The following GRIK2 variants were observed in gnomAD, a reference collection of about 807,000 sequenced individuals.
GRIK2 encodes glutamate ionotropic receptor kainate type subunit 2.
Under a neutral mutation model 100.3 loss-of-function variants are expected in GRIK2, and 32 were observed. The ratio of observed to expected loss-of-function variants is 0.32; its 90% CI spans 0.24 to 0.43. The LOEUF (loss-of-function observed/expected upper bound fraction) is 0.43, where lower values mean the gene tolerates loss of function less well. Ranked by LOEUF, GRIK2 falls within the 20% of genes least tolerant of loss-of-function variation. The probability of loss-of-function intolerance (pLI) is 1.00; values close to 1 mark genes in which losing one functional copy is unlikely to be tolerated. For missense variants in GRIK2, 843 were observed against 1,114.9 expected (o/e 0.76, Z 3.47); for synonymous variants, 417 against 389.4 (o/e 1.07, Z -0.83).
intron 16 of GRIK2, among the ~76,000 whole-genome samples, chr6:102,066,515 G>A (rs553180861): frequency 6.6e-6 from 1 of 151,718 alleles, no homozygotes; most frequent in East Asian, 1.9e-4. Flanking sequence ...AAGTGGAAAG[G>A]GCTTCCTAAT....
At chr6:101,750,598 G>C (rs895030145) in intron 7 of GRIK2, among the ~76,000 whole-genome samples, 1 of 152,196 alleles carries the variant, frequency 6.6e-6, no homozygotes, top group African/African-American at 2.4e-5. Flanking sequence ...ACAAGCTATA[G>C]TAACAAGACT....
At chr6:101,703,833 T>TA (rs562457660) in intron 7 of GRIK2, among the ~76,000 whole-genome samples, 92 of 142,298 alleles carry the variant, frequency 6.5e-4, no homozygotes, top group Admixed American at 7.1e-4. Context: ...TATTGCATTA[T>TA]AAAAAAAAAA....
At chr6:101,627,551 T>A (rs1383424121) in intron 4 of GRIK2, among the ~76,000 whole-genome samples, 2 of 152,226 alleles carry the variant, frequency 1.3e-5, no homozygotes, top group Non-Finnish European at 2.9e-5. Flanking sequence ...TTCAGAATTA[T>A]GCCTTACTAT....
chr6:101,836,661 A>ATTT (rs1194200766), intron 10 of GRIK2, among the ~76,000 whole-genome samples: 774 of 57,810 alleles, frequency 0.013, 54 homozygotes, highest in African/African-American at 0.03. Flanking sequence ...ATATATATAT[A>ATTT]TTTTTTTTTT....
intron 12 of GRIK2, among the ~76,000 whole-genome samples, chr6:101,907,168 C>A (rs1254356947): frequency 6.6e-6 from 1 of 151,552 alleles, no homozygotes; most frequent in Non-Finnish European, 1.5e-5. Context: ...TTAAATAAGA[C>A]ATTGGGACAT....
At chr6:101,796,453 T>C (rs1176811194) in intron 7 of GRIK2, among the ~76,000 whole-genome samples, 1 of 152,150 alleles carries the variant, frequency 6.6e-6, no homozygotes. Context: ...GGAAGGAGAT[T>C]TATAGACACA....
intron 2 of GRIK2, among the ~76,000 whole-genome samples, chr6:101,494,353 G>T (rs1025881145): frequency 1.3e-5 from 2 of 151,302 alleles, no homozygotes; most frequent in African/African-American, 4.8e-5. Flanking sequence ...GTGATTGTAG[G>T]TTACAGTTTC....
At chr6:101,576,210 T>C (rs991000117) in intron 2 of GRIK2, among the ~76,000 whole-genome samples, 1 of 152,014 alleles carries the variant, frequency 6.6e-6, no homozygotes, top group African/African-American at 2.4e-5. Context: ...AAAACATGTC[T>C]CTAAGCACTT....
At chr6:101,698,866 T>C (rs1421483234) in intron 7 of GRIK2, among the ~76,000 whole-genome samples, 1 of 152,132 alleles carries the variant, frequency 6.6e-6, no homozygotes, top group Admixed American at 6.6e-5. Flanking sequence ...CTACTTTTTG[T>C]TTAGGATATA....
At position 101,749,361 on chromosome 6, in the gene GRIK2, G is replaced by A. The variant is rs913950238; in HGVS notation, c.952-50287G>A. On this transcript the variant is annotated intron_variant, in intron 7 of 16. Coordinates refer to ENST00000369134, the MANE Select transcript of GRIK2 (RefSeq NM_021956.5). ...TGACCTTGAGTGATCCATCTGTCTC[G>A]GCCCCCCAGATTGATGGAATTACAG... 9.2e-5 allele frequency among the ~76,000 whole-genome samples: 14 copies of A among 152,156 alleles called. No homozygotes were observed. In the South Asian group the frequency reaches 2.3e-3, roughly 25 times the overall value.
intron 6 of GRIK2, 104 bp downstream of exon 6, chr6:101,682,710 A>G: frequency 1.8e-6 from 1 of 552,064 alleles, no homozygotes; most frequent in Non-Finnish European, 3.2e-6. Flanking sequence ...ATTCCTTTGT[A>G]GTTATATTTT....
intron 7 of GRIK2, among the ~76,000 whole-genome samples, chr6:101,707,071 A>G (rs1419729379): frequency 6.6e-6 from 1 of 151,878 alleles, no homozygotes; most frequent in Non-Finnish European, 1.5e-5. Flanking sequence ...GAGAATGAAG[A>G]TGGATTCTGT....
intron 14 of GRIK2, among the ~76,000 whole-genome samples, chr6:102,021,019 G>A (rs1322616515): frequency 6.6e-6 from 1 of 151,744 alleles, no homozygotes; most frequent in Non-Finnish European, 1.5e-5. Context: ...AGAAAACTAT[G>A]TGCTTCCTAG....
chr6:102,033,369 C>T (rs1275578179), intron 14 of GRIK2, among the ~76,000 whole-genome samples: 3 of 151,338 alleles, frequency 2.0e-5, no homozygotes, highest in Non-Finnish European at 4.4e-5. Flanking sequence ...CCTGGTTCAA[C>T]TGTCCAGCAT....
chr6:101,693,518 CTG>C (rs1011592831), intron 7 of GRIK2, among the ~76,000 whole-genome samples: 1 of 151,588 alleles, frequency 6.6e-6, no homozygotes, highest in African/African-American at 2.4e-5. Context: ...GAAAAAATAA[CTG>C]AAGTTCATTG....
At chr6:102,033,254 ATTCT>A (rs1770093383) in intron 14 of GRIK2, among the ~76,000 whole-genome samples, 1 of 149,102 alleles carries the variant, frequency 6.7e-6, no homozygotes, top group Admixed American at 6.6e-5. Flanking sequence ...AAATTCTATT[ATTCT>A]TTCTGGAGGA....
rs1773395590 is a variant in GRIK2, at chr6:101,495,488, A to AAAATTG, written c.115+96096_115+96097insAAATTG. Among the ~76,000 whole-genome samples, 4 of 152,152 alleles carry AAAATTG rather than the reference A, an allele frequency of 2.6e-5. No individual in the cohort carries two copies. The South Asian group carries it at 8.3e-4, about 32-fold the overall frequency. ...GCCACTGCACTCTAGCCTGGGAGAT[A>AAAATTG]GAGCAAGACTCCGTCTCAAAATAAG... is the stretch of plus-strand genomic sequence containing the variant. On this transcript the variant is annotated intron_variant, in intron 2 of 16. Coordinates refer to ENST00000369134, the MANE Select transcript of GRIK2 (RefSeq NM_021956.5).
At chr6:101,800,368 TCATA>T (rs1414274927) in intron 8 of GRIK2, among the ~76,000 whole-genome samples, 1 of 151,784 alleles carries the variant, frequency 6.6e-6, no homozygotes, top group Non-Finnish European at 1.5e-5. Context: ...TTTTTGAAGA[TCATA>T]CATACATACA....
intron 16 of GRIK2, among the ~76,000 whole-genome samples, chr6:102,059,900 A>G (rs1488659927): frequency 6.7e-6 from 1 of 150,354 alleles, no homozygotes; most frequent in African/African-American, 2.4e-5. Flanking sequence ...AACTGTCTGG[A>G]TATAAATTAT....
Sources: gnomAD v4.1 joint callset for allele counts (sites outside exome capture counted in the v4.1 genomes callset) on GRCh38, gnomAD v4.1.1 for gene constraint, MANE v1.5 for transcripts, NCBI Gene and HGNC (gene_info 2026-07-23, HGNC 2026-07-21) for gene names.